ERBB4: variants seen among roughly 807,000 people sequenced by gnomAD.
The protein encoded by ERBB4 is erb-b2 receptor tyrosine kinase 4.
In ERBB4, 42 loss-of-function variants were observed where a neutral mutation model predicts 158.0. That is an observed-to-expected ratio of 0.27 (90% CI 0.21 to 0.34). ERBB4 has a LOEUF of 0.34. ERBB4 is among the 10% of genes least tolerant of loss of function. The pLI, the probability that ERBB4 is intolerant of heterozygous loss-of-function variation, is 1.00. For synonymous variants in ERBB4, 583 were observed against 558.7 expected (o/e 1.04, Z -0.61); for missense variants, 1,333 against 1,624.1 (o/e 0.82, Z 3.08).
intron 1 of ERBB4, among the ~76,000 whole-genome samples, chr2:212,362,157 C>T (rs777174576): frequency 8.6e-5 from 13 of 151,362 alleles, no homozygotes; most frequent in Non-Finnish European, 1.5e-4. Context: ...GTTTTAAATT[C>T]AGTGGCTATC....
chr2:211,500,873 G>C (rs1039794821), intron 20 of ERBB4, among the ~76,000 whole-genome samples: 1 of 151,828 alleles, frequency 6.6e-6, no homozygotes, highest in Admixed American at 6.6e-5. Context: ...TGGTATAATA[G>C]GTTTGGCATT....
intron 1 of ERBB4, among the ~76,000 whole-genome samples, chr2:212,528,492 A>T (rs2106334873): frequency 6.6e-6 from 1 of 152,336 alleles, no homozygotes; most frequent in Non-Finnish European, 1.5e-5. Context: ...ATGGATTCTT[A>T]AAGTAAAAAA....
At chr2:211,583,101 C>G (rs2068152521) in intron 19 of ERBB4, among the ~76,000 whole-genome samples, 1 of 152,046 alleles carries the variant, frequency 6.6e-6, no homozygotes, top group Non-Finnish European at 1.5e-5. Flanking sequence ...AAGTAAATAT[C>G]TACAGATCTT....
At chr2:212,207,689 G>A (rs1233861983) in intron 1 of ERBB4, among the ~76,000 whole-genome samples, 1 of 152,024 alleles carries the variant, frequency 6.6e-6, no homozygotes, top group Middle Eastern at 3.2e-3. Context: ...TGTATAATAC[G>A]ACAGTGTTAG....
At chr2:211,458,029 G>T (rs2064427015) in intron 20 of ERBB4, among the ~76,000 whole-genome samples, 1 of 147,594 alleles carries the variant, frequency 6.8e-6, no homozygotes, top group Non-Finnish European at 1.5e-5. Flanking sequence ...AGGTCTTGTG[G>T]GCTCCAATCA....
chr2:211,665,334 G>A lies in ERBB4; in HGVS notation c.1860C>T (p.Asn620=), dbSNP rs1319682511. The A allele has an allele frequency of 6.2e-7, 1 of 1,614,148 alleles. No individual in the cohort carries two copies. Reference sequence around the variant, plus strand: ...GCAAGAATGCTTACCCTTGGGTGCAGTTTGGATGGCATGGGTGGCACTCCC... The same window carrying A: ...GCAAGAATGCTTACCCTTGGGTGCAATTTGGATGGCATGGGTGGCACTCCC... ...PDRECHPCHP[N]CTQGCNGPTS... is the part of the protein sequence containing the mutation. The change falls in exon 15 of 28, where the codon AAC becomes AAT. Residue 620 remains asparagine, a synonymous_variant. Coordinates refer to ENST00000342788, the MANE Select transcript of ERBB4 (RefSeq NM_005235.3).
At chr2:212,226,171 T>A (rs1185503626) in intron 1 of ERBB4, among the ~76,000 whole-genome samples, 1 of 152,128 alleles carries the variant, frequency 6.6e-6, no homozygotes, top group African/African-American at 2.4e-5. Context: ...GAATGGCCTC[T>A]AGGTTTGGAG....
intron 1 of ERBB4, among the ~76,000 whole-genome samples, chr2:212,236,900 A>T (rs1284910905): frequency 6.6e-6 from 1 of 151,640 alleles, no homozygotes; most frequent in Non-Finnish European, 1.5e-5. Context: ...TATTTTGTTA[A>T]CCTTTTCAAA....
At chr2:211,809,416 G>A (rs1263597638) in intron 3 of ERBB4, among the ~76,000 whole-genome samples, 1 of 152,096 alleles carries the variant, frequency 6.6e-6, no homozygotes, top group Non-Finnish European at 1.5e-5. Context: ...GTTTAGTTTT[G>A]GGAGGGTGTA....
intron 1 of ERBB4, among the ~76,000 whole-genome samples, chr2:212,225,873 C>T (rs2083451570): frequency 6.6e-6 from 1 of 151,848 alleles, no homozygotes; most frequent in South Asian, 2.1e-4. Flanking sequence ...GTGTGTAATC[C>T]CCTCCCCTTG....
At chr2:212,249,667 AAAC>A (rs1366742638) in intron 1 of ERBB4, among the ~76,000 whole-genome samples, 1 of 152,040 alleles carries the variant, frequency 6.6e-6, no homozygotes, top group Admixed American at 6.6e-5. Flanking sequence ...CCTGGGCATT[AAAC>A]AACAAGAACT....
intron 2 of ERBB4, among the ~76,000 whole-genome samples, chr2:211,954,686 G>A (rs1301209950): frequency 6.6e-6 from 1 of 152,108 alleles, no homozygotes; most frequent in Non-Finnish European, 1.5e-5. Flanking sequence ...CCCTTCTGCT[G>A]GTAATGACTG....
intron 2 of ERBB4, among the ~76,000 whole-genome samples, chr2:212,070,468 G>A (rs189883991): frequency 5.3e-5 from 8 of 152,090 alleles, no homozygotes; most frequent in Non-Finnish European, 8.8e-5. Flanking sequence ...AAGACAATGT[G>A]GTAGTGTCAT....
intron 3 of ERBB4, among the ~76,000 whole-genome samples, chr2:211,819,530 T>C (rs1041534104): frequency 2.6e-5 from 4 of 151,996 alleles, no homozygotes; most frequent in Admixed American, 2.0e-4. Flanking sequence ...AAAATGCTTA[T>C]AGACAGTAAC....
At chr2:212,089,935 G>A (rs2078724278) in intron 2 of ERBB4, among the ~76,000 whole-genome samples, 1 of 152,122 alleles carries the variant, frequency 6.6e-6, no homozygotes, top group Admixed American at 6.6e-5. Flanking sequence ...GTTGCTTAGA[G>A]CAAGCAGCCT....
chr2:211,560,262 C>CTTTTTTTTTTTTTTTTTTTTATTTT (rs2067351084), intron 20 of ERBB4, among the ~76,000 whole-genome samples: 1 of 46,286 alleles, frequency 2.2e-5, no homozygotes, highest in African/African-American at 9.6e-5. Flanking sequence ...TGAAGCTTAG[C>CTTTTTTTTTTTTTTTTTTTTATTTT]TTTTTTTTTT....
chr2:212,301,931 A>G (rs1304088802), intron 1 of ERBB4, among the ~76,000 whole-genome samples: 1 of 151,514 alleles, frequency 6.6e-6, no homozygotes, highest in Non-Finnish European at 1.5e-5. Flanking sequence ...CTTTCAAGAA[A>G]TGCAACGCTA....
Position 212,520,904 on chromosome 2 carries a change from G to A in ERBB4, c.82+17545C>T, listed in dbSNP as rs112478584. ...GGCATAGCTCTGTGAAGTTTATGATGTCATGCATAGCCTTTACCTGATTCC... is the reference window on the plus strand; with the variant it reads ...GGCATAGCTCTGTGAAGTTTATGATATCATGCATAGCCTTTACCTGATTCC... On this transcript the variant is annotated intron_variant, in intron 1 of 27. Coordinates refer to ENST00000342788, the MANE Select transcript of ERBB4 (RefSeq NM_005235.3). Among the ~76,000 whole-genome samples, 416 of 148,412 alleles carry A rather than the reference G, an allele frequency of 2.8e-3. 1 individual carries two copies. Among genetic ancestry groups the A allele is most frequent in the Non-Finnish European group, 4.7e-3 (316 of 67,010 alleles).
chr2:212,474,819 A>ATTTTTTTTTTTTTTTTTTTT (rs1295029698), intron 1 of ERBB4, among the ~76,000 whole-genome samples: 1 of 72,188 alleles, frequency 1.4e-5, no homozygotes, highest in Non-Finnish European at 2.7e-5. Flanking sequence ...ACACCCGGCC[A>ATTTTTTTTTTTTTTTTTTTT]TTCTTTTTTT....
Sources: allele counts gnomAD v4.1 joint callset (sites outside exome capture counted in the v4.1 genomes callset), GRCh38; gene constraint gnomAD v4.1.1; transcripts MANE v1.5; gene names NCBI Gene and HGNC (gene_info 2026-07-23, HGNC 2026-07-21).